GPR137B: variants seen among roughly 807,000 people sequenced by gnomAD.
The protein encoded by GPR137B is integral membrane protein GPR137B.
A neutral mutation model predicts 42.5 loss-of-function variants in GPR137B; 42 were observed. That is an observed-to-expected ratio of 0.99 (90% CI 0.77 to 1.28). GPR137B has a LOEUF of 1.28. GPR137B is among the 50% of genes most tolerant of loss of function. The pLI is 0.00. For synonymous variants in GPR137B, 218 were observed against 209.7 expected, an observed-to-expected ratio of 1.04 and a Z score of -0.34; for missense variants, 487 against 493.9, an observed-to-expected ratio of 0.99 and a Z score of 0.13.
In GPR137B at chr1:236,150,345, G is replaced by A. The variant is rs143822838; in HGVS notation, c.414+7309G>A. On this transcript the variant is annotated intron_variant, in intron 1 of 6. Coordinates refer to ENST00000366592, the MANE Select transcript of GPR137B (RefSeq NM_003272.4). This position sits in a 1 kb window ranked among gnomAD's most constrained non-coding sequence, Gnocchi z 6.2. ...TGTGTCTGTGCATGTGTGTGCCTGTGTGTGTGGAAAGGTTTCCTTATTTTC... is the reference window on the plus strand; with the variant it reads ...TGTGTCTGTGCATGTGTGTGCCTGTATGTGTGGAAAGGTTTCCTTATTTTC... Among the ~76,000 whole-genome samples the A allele has an allele frequency of 1.8e-4, 28 of 152,150 alleles. No homozygotes were observed. The highest frequency in any genetic ancestry group is 8.3e-4 in the South Asian group (4 of 4,828).
At chr1:236,172,322 C>T (rs1225862740) in intron 2 of GPR137B, among the ~76,000 whole-genome samples, 3 of 152,182 alleles carry the variant, frequency 2.0e-5, no homozygotes, top group Non-Finnish European at 4.4e-5. Context: ...ATTGGCTTCC[C>T]TCATTTAATC....
intron 5 of GPR137B, among the ~76,000 whole-genome samples, chr1:236,201,823 C>A (rs879744749): frequency 1.3e-5 from 2 of 151,926 alleles, no homozygotes; most frequent in Non-Finnish European, 2.9e-5. Context: ...TGTTATAGAA[C>A]CTTGTTTTGT....
intron 5 of GPR137B, among the ~76,000 whole-genome samples, chr1:236,198,562 G>A (rs1663407173): frequency 6.6e-6 from 1 of 152,130 alleles, no homozygotes; most frequent in South Asian, 2.1e-4. Flanking sequence ...TTGGCAGTAT[G>A]GTCACTTTCA....
chr1:236,153,174 T>C (rs1323807123), intron 1 of GPR137B, among the ~76,000 whole-genome samples: 2 of 152,192 alleles, frequency 1.3e-5, no homozygotes, highest in Non-Finnish European at 2.9e-5. Flanking sequence ...AGCTGAGTGA[T>C]GTTCAGTACA....
At chr1:236,147,333 A>G (rs1558477014) in intron 1 of GPR137B, among the ~76,000 whole-genome samples, 3 of 152,214 alleles carry the variant, frequency 2.0e-5, no homozygotes, top group Non-Finnish European at 4.4e-5. Flanking sequence ...GGTAACTGCC[A>G]CGTGGCCATG....
At chr1:236,166,720 A>AAC (rs1286048771) in intron 1 of GPR137B, among the ~76,000 whole-genome samples, 1 of 151,968 alleles carries the variant, frequency 6.6e-6, no homozygotes, top group Non-Finnish European at 1.5e-5. Context: ...CACAGTGGCT[A>AAC]ACGCCTGTAA....
At chr1:236,177,198 G>T (rs1459354496) in intron 2 of GPR137B, among the ~76,000 whole-genome samples, 2 of 152,176 alleles carry the variant, frequency 1.3e-5, no homozygotes, top group African/African-American at 2.4e-5. Context: ...TAAGTGGGGG[G>T]TTGTTATGTC....
In GPR137B at chr1:236,161,574, T is replaced by C. The variant is rs569594257; in HGVS notation, c.415-7132T>C. ...CACCTCCTGTTATGGTTTGGCTGCATCCCCATGCAAATCTCAACTTGAATT... is the reference window on the plus strand; with the variant it reads ...CACCTCCTGTTATGGTTTGGCTGCACCCCCATGCAAATCTCAACTTGAATT... On this transcript the variant is annotated intron_variant, in intron 1 of 6. Coordinates refer to ENST00000366592, the MANE Select transcript of GPR137B (RefSeq NM_003272.4). 1.7e-3 allele frequency among the ~76,000 whole-genome samples: 259 copies of C among 151,798 alleles called. 3 individuals carry two copies. Among genetic ancestry groups the C allele is most frequent in the African/African-American group, 5.8e-3 (239 of 41,278 alleles).
At chr1:236,154,803 AT>A (rs1661969570) in intron 1 of GPR137B, among the ~76,000 whole-genome samples, 1 of 152,088 alleles carries the variant, frequency 6.6e-6, no homozygotes, top group Non-Finnish European at 1.5e-5. Flanking sequence ...TCAGGGCACG[AT>A]GGTACGACAC....
chr1:236,162,784 A>G (rs1269500039), intron 1 of GPR137B, among the ~76,000 whole-genome samples: 1 of 152,246 alleles, frequency 6.6e-6, no homozygotes, highest in African/African-American at 2.4e-5. Context: ...CAGAAGATGT[A>G]TGGAAATGCC....
rs146832384 is a variant in GPR137B at position 236,170,218 on chromosome 1, C to T, written c.464+1463C>T. Reference sequence around the variant, plus strand: ...CTGAAAAGGTGACTCTGGCCATTGCCTCCTTGGGTCAAAATGAAAAATTAT... The same window carrying T: ...CTGAAAAGGTGACTCTGGCCATTGCTTCCTTGGGTCAAAATGAAAAATTAT... On this transcript the variant is annotated intron_variant, in intron 2 of 6. Transcript: ENST00000366592. 5.1e-3 allele frequency among the ~76,000 whole-genome samples: 782 copies of T among 152,166 alleles called. 6 individuals are homozygous for T. The highest frequency in any genetic ancestry group is 0.018 in the African/African-American group (735 of 41,512).
intron 5 of GPR137B, among the ~76,000 whole-genome samples, chr1:236,196,254 G>T (rs542335604): frequency 2.0e-5 from 3 of 151,872 alleles, no homozygotes; most frequent in Middle Eastern, 6.8e-3. Flanking sequence ...ATTCTCCTGC[G>T]TCAGCCTCCT....
Position 236,142,958 on chromosome 1 carries a change from C to G in GPR137B, c.336C>G (p.Phe112Leu). 1.9e-6 allele frequency: 3 copies of G among 1,614,086 alleles called. No homozygotes were observed. The highest frequency in any genetic ancestry group is 1.7e-6 in the Non-Finnish European group (2 of 1,179,928). The change falls in exon 1 of 7, where the codon TTC (phenylalanine) becomes TTG (leucine). Residue 112 changes from phenylalanine to leucine, a missense_variant. Phe to Leu is a conservative substitution (Grantham distance 22). Transcript: ENST00000366592. ...TGGCGGCCAATTCGCTCAGCCCCTT[C>G]GTCTTCTGGCTGCTCTACTGCTTCC... ...DFVAANSLSP[F>L]VFWLLYCFPV...
At chr1:236,189,083 C>T (rs1663115479) in intron 5 of GPR137B, among the ~76,000 whole-genome samples, 1 of 152,178 alleles carries the variant, frequency 6.6e-6, no homozygotes, top group Admixed American at 6.5e-5. Context: ...TCCATTTCCT[C>T]TAGATCTTCT....
chr1:236,168,640 G>A, intron 1 of GPR137B, 66 bp from the exon 2 acceptor site: 1 of 1,184,736 alleles, frequency 8.4e-7, no homozygotes, highest in South Asian at 1.2e-5. Context: ...AATTCCCAGT[G>A]ATGGTATCAG....
At position 236,188,423 on chromosome 1, in the gene GPR137B, G is replaced by A. The variant is rs575756662; in HGVS notation, c.966+4517G>A. On this transcript the variant is annotated intron_variant, in intron 5 of 6. Coordinates refer to ENST00000366592, the MANE Select transcript of GPR137B (RefSeq NM_003272.4). Reference sequence around the variant, plus strand: ...CGGGTTTTCAAAGGGAATGCTTCCTGTTTTTACCCATTCAGTATGGTATTG... The same window carrying A: ...CGGGTTTTCAAAGGGAATGCTTCCTATTTTTACCCATTCAGTATGGTATTG... Among the ~76,000 whole-genome samples the A allele has an allele frequency of 4.6e-5, 7 of 152,190 alleles. No homozygotes were observed. The South Asian group carries it at 1.5e-3, about 32-fold the overall frequency.
At chr1:236,157,706 C>T (rs1407290779) in intron 1 of GPR137B, among the ~76,000 whole-genome samples, 1 of 152,144 alleles carries the variant, frequency 6.6e-6, no homozygotes, top group Non-Finnish European at 1.5e-5. Flanking sequence ...AAGAGTTGGT[C>T]CTCCTTATAT....
Position 236,205,251 on chromosome 1 carries a change from G to A in GPR137B, c.1091+1G>A, listed in dbSNP as rs759572276. 8.1e-6 allele frequency: 13 copies of A among 1,611,398 alleles called. No homozygotes were observed. The highest frequency in any genetic ancestry group is 1.1e-5 in the Non-Finnish European group (13 of 1,178,000). ...TTGCCCCTCAGGGACTTCAGGGAGG[G>A]TAAGACCCTACTTCATGTTAGACAA... is the stretch of plus-strand genomic sequence containing the variant. On this transcript the variant is annotated splice_donor_variant, in intron 6 of 6. Transcript: ENST00000366592. LOFTEE classifies it high-confidence loss of function.
At chr1:236,161,003 C>T (rs578180274) in intron 1 of GPR137B, among the ~76,000 whole-genome samples, 23 of 152,016 alleles carry the variant, frequency 1.5e-4, no homozygotes, top group African/African-American at 3.1e-4. Context: ...TTCAGAGTTG[C>T]GCAGTGACCC....
Sources: gnomAD v4.1 joint callset for allele counts (sites outside exome capture counted in the v4.1 genomes callset) on GRCh38, gnomAD v4.1.1 for gene constraint, Gnocchi (gnomAD v3.1) non-coding constraint, MANE v1.5 for transcripts, NCBI Gene and HGNC (gene_info 2026-07-23, HGNC 2026-07-21) for gene names.